The following TYW3 variants were observed in gnomAD, a reference collection of about 807,000 sequenced individuals.
TYW3 encodes the protein tRNA wybutosine-synthesizing protein 3 homolog.
Under a neutral mutation model 23.1 loss-of-function variants are expected in TYW3, and 26 were observed. That is an observed-to-expected ratio of 1.13 (90% confidence interval 0.83 to 1.56). The LOEUF (loss-of-function observed/expected upper bound fraction) is 1.56, where lower values mean the gene tolerates loss of function less well. Ranked by LOEUF, TYW3 falls within the 40% of genes most tolerant of loss-of-function variation. TYW3 has a pLI of 0.00. For missense variants in TYW3, 316 were observed against 311.9 expected, an observed-to-expected ratio of 1.01 and a Z score of -0.10; for synonymous variants, 102 against 105.7, an observed-to-expected ratio of 0.97 and a Z score of 0.21.
intron 3 of TYW3, among the ~76,000 whole-genome samples, chr1:74,739,070 C>A (rs961741945): frequency 7.2e-5 from 11 of 151,772 alleles, no homozygotes; most frequent in Non-Finnish European, 1.6e-4. Flanking sequence ...TTTTTGTTTG[C>A]CAAGCTTTAA....
chr1:74,748,949 C>A, intron 4 of TYW3, 127 bp downstream of exon 4: 1 of 852,166 alleles, frequency 1.2e-6, no homozygotes, highest in Non-Finnish European at 1.9e-6. Context: ...ACTCATAAAC[C>A]CTCAGTGACT....
chr1:74,737,051 G>T (rs906859209), intron 2 of TYW3, among the ~76,000 whole-genome samples: 1 of 152,150 alleles, frequency 6.6e-6, no homozygotes, highest in Admixed American at 6.5e-5. Context: ...TCTCTGCTGG[G>T]TTATTTAGTT....
intron 3 of TYW3, among the ~76,000 whole-genome samples, chr1:74,741,653 G>T (rs1034443488): frequency 6.6e-6 from 1 of 152,196 alleles, no homozygotes; most frequent in South Asian, 2.1e-4. Context: ...TTTTGCCAAA[G>T]AAGTTATATT....
At chr1:74,763,131 C>T (rs1649182656) in intron 5 of TYW3, among the ~76,000 whole-genome samples, 1 of 151,954 alleles carries the variant, frequency 6.6e-6, no homozygotes, top group Non-Finnish European at 1.5e-5. Flanking sequence ...AGTGATCTCT[C>T]TCAAGTGCAG....
chr1:74,756,529 T>C (rs1216087370), intron 5 of TYW3, among the ~76,000 whole-genome samples: 1 of 152,182 alleles, frequency 6.6e-6, no homozygotes, highest in East Asian at 1.9e-4. Context: ...TTGAGAGAGA[T>C]GATTTAGGGT....
chr1:74,766,118 A>C lies in TYW3; in HGVS notation c.*2005A>C, dbSNP rs1466395891. 1 of 152,136 alleles carries C rather than the reference A, an allele frequency of 6.6e-6. No individual in the cohort carries two copies. The highest frequency in any genetic ancestry group is 1.5e-5 in the Non-Finnish European group (1 of 68,016). The allele number at this position is 152,136 out of a possible 1,614,324, so 9.4% of individuals were successfully genotyped here. ...GATGTGGTCATTGTAAAGCTGTAGC[A>C]CAACACATTACCCACGTTTGTGGTG... On this transcript the variant is annotated 3_prime_UTR_variant, in exon 6 of 6. Transcript: ENST00000370867.
At chr1:74,753,180 G>A (rs778449626) in intron 5 of TYW3, among the ~76,000 whole-genome samples, 15 of 152,118 alleles carry the variant, frequency 9.9e-5, no homozygotes, top group Admixed American at 3.3e-4. Flanking sequence ...ATTTGATGTC[G>A]TTTATAATTT....
At chr1:74,763,819 T>C in intron 5 of TYW3, 75 bp from the exon 6 acceptor site, 2 of 1,149,688 alleles carry the variant, frequency 1.7e-6, no homozygotes, top group Non-Finnish European at 2.5e-6. Flanking sequence ...TTACATAACT[T>C]ATAAGCTCTT....
At chr1:74,752,169 T>G (rs1311144525) in intron 4 of TYW3, 123 bp from the exon 5 acceptor site, 1 of 972,378 alleles carries the variant, frequency 1.0e-6, no homozygotes, top group African/African-American at 1.7e-5. Flanking sequence ...ATCAAAGCGC[T>G]AACTTAACTG....
rs1649266055 is a variant in TYW3, at chr1:74,765,294, C to T, written c.*1181C>T. ...ACCTGTGCCAGGGATTTCATGTGTA[C>T]ACTTTATAGGAGAATAAGCAAGAGC... is the stretch of plus-strand genomic sequence containing the variant. On this transcript the variant is annotated 3_prime_UTR_variant, in exon 6 of 6. Coordinates refer to ENST00000370867, the MANE Select transcript of TYW3 (RefSeq NM_138467.3). 2 of 152,134 alleles carry T rather than the reference C, an allele frequency of 1.3e-5. No individual in the cohort carries two copies. 9.4% of individuals were successfully genotyped at this position (152,134 alleles called of 1,614,324 possible).
chr1:74,734,479 G>T (rs1400910653), intron 1 of TYW3, among the ~76,000 whole-genome samples: 1 of 152,128 alleles, frequency 6.6e-6, no homozygotes, highest in Non-Finnish European at 1.5e-5. Flanking sequence ...GAAGTGAAAA[G>T]GTGAAAGTTC....
At chr1:74,758,352 A>G (rs1365669278) in intron 5 of TYW3, among the ~76,000 whole-genome samples, 2 of 152,128 alleles carry the variant, frequency 1.3e-5, no homozygotes, top group Non-Finnish European at 2.9e-5. Context: ...TTTCCTTAAT[A>G]TGTTTCTTAC....
chr1:74,747,283 C>A (rs746260014), intron 3 of TYW3, among the ~76,000 whole-genome samples: 1 of 152,068 alleles, frequency 6.6e-6, no homozygotes, highest in Non-Finnish European at 1.5e-5. Flanking sequence ...TAGAAAGCAT[C>A]GGGGCTATCT....
chr1:74,766,149 CAT>C lies in TYW3; in HGVS notation c.*2040_*2041del, dbSNP rs1649299386. On this transcript the variant is annotated 3_prime_UTR_variant, in exon 6 of 6. Transcript: ENST00000370867. ...CATTACCCACGTTTGTGGTGACAGT[CAT>C]ATAAAAGTATGGTACATATAATTAT... 1 of 151,968 alleles carries C rather than the reference CAT, an allele frequency of 6.6e-6. No individual in the cohort carries two copies. The highest frequency in any genetic ancestry group is 2.4e-5 in the African/African-American group (1 of 41,402). The allele number at this position is 151,968 out of a possible 1,614,324, so 9.4% of individuals were successfully genotyped here.
intron 4 of TYW3, 43 bp downstream of exon 4, chr1:74,748,865 A>G: frequency 6.4e-7 from 1 of 1,559,696 alleles, no homozygotes; most frequent in East Asian, 2.3e-5. Flanking sequence ...GTGTAAAGTG[A>G]TCCAGAAATT....
At chr1:74,752,203 C>G in intron 4 of TYW3, 89 bp from the exon 5 acceptor site, 2 of 1,368,612 alleles carry the variant, frequency 1.5e-6, no homozygotes, top group Non-Finnish European at 9.8e-7. Flanking sequence ...AAAGTATGTT[C>G]AAACACAGCC....
At chr1:74,734,488 TCTTAAGGAAAGA>T (rs1266257711) in intron 1 of TYW3, among the ~76,000 whole-genome samples, 2 of 152,188 alleles carry the variant, frequency 1.3e-5, no homozygotes, top group African/African-American at 2.4e-5. Context: ...AGGTGAAAGT[TCTTAAGGAAAGA>T]CTTAAGGAAA....
intron 3 of TYW3, among the ~76,000 whole-genome samples, chr1:74,742,652 A>G (rs1417838640): frequency 6.6e-6 from 1 of 151,840 alleles, no homozygotes; most frequent in Non-Finnish European, 1.5e-5. Flanking sequence ...TAAGACTGCC[A>G]CCTCCTTGGG....
intron 3 of TYW3, among the ~76,000 whole-genome samples, chr1:74,747,403 C>T (rs996695158): frequency 1.3e-5 from 2 of 151,668 alleles, no homozygotes; most frequent in African/African-American, 4.8e-5. Flanking sequence ...TTTGGGAGGC[C>T]GAGGCGGGCG....
Sources: gnomAD v4.1 joint callset for allele counts (sites outside exome capture counted in the v4.1 genomes callset) on GRCh38, gnomAD v4.1.1 for gene constraint, MANE v1.5 for transcripts, NCBI Gene and HGNC (gene_info 2026-07-23, HGNC 2026-07-21) for gene names.